Variants in DEPDC5 observed in about 807,000 individuals in gnomAD.
The protein encoded by DEPDC5 is DEP domain containing 5, GATOR1 subcomplex subunit, also known as GATOR1 complex protein DEPDC5.
In DEPDC5, 73 loss-of-function variants were observed where a neutral mutation model predicts 217.3. That is an observed-to-expected ratio of 0.34 (90% CI 0.28 to 0.41). The LOEUF (loss-of-function observed/expected upper bound fraction) is 0.41, where lower values mean the gene tolerates loss of function less well. Among genes scored for constraint, DEPDC5 ranks in the 10% least tolerant of loss-of-function variants. DEPDC5 has a pLI of 1.00. For missense variants in DEPDC5, 1,675 were observed against 2,070.1 expected (o/e 0.81, Z 3.70); for synonymous variants, 733 against 756.7 (o/e 0.97, Z 0.51).
At chr22:31,873,214 C>G in intron 34 of DEPDC5, 41 bp from the exon 35 acceptor site, 1 of 1,613,538 alleles carries the variant, frequency 6.2e-7, no homozygotes, top group South Asian at 1.1e-5. Context: ...TGACTGCATA[C>G]GTGCCATCTT....
At chr22:31,879,496 A>T in intron 37 of DEPDC5, 29 bp from the exon 38 acceptor site, 1 of 1,591,490 alleles carries the variant, frequency 6.3e-7, no homozygotes, top group Non-Finnish European at 8.6e-7. Flanking sequence ...TGTGTTGAGT[A>T]CTCCTTCTCT....
chr22:31,812,149 C>T (rs766230179), intron 20 of DEPDC5, among the ~76,000 whole-genome samples: 1 of 151,530 alleles, frequency 6.6e-6, no homozygotes, highest in African/African-American at 2.4e-5. Context: ...CCACCACACT[C>T]GGCTAATTTT....
chr22:31,776,846 A>G (rs1057377538), intron 7 of DEPDC5, among the ~76,000 whole-genome samples: 4 of 151,932 alleles, frequency 2.6e-5, no homozygotes, highest in Non-Finnish European at 5.9e-5. Flanking sequence ...AAGTGCTGGG[A>G]TTACAGGCAT....
intron 24 of DEPDC5, among the ~76,000 whole-genome samples, chr22:31,825,669 G>C (rs896713399): frequency 6.6e-6 from 1 of 152,140 alleles, no homozygotes; most frequent in Admixed American, 6.5e-5. Context: ...TATTGCAGTA[G>C]CCTTCAAAAT....
chr22:31,802,519 TC>T (rs1249859576), intron 14 of DEPDC5, among the ~76,000 whole-genome samples, 184 bp from the exon 15 acceptor site: 3 of 152,080 alleles, frequency 2.0e-5, no homozygotes, highest in Non-Finnish European at 4.4e-5. Context: ...AGCGACTTAT[TC>T]CTGTGGTCAA....
At position 31,804,926 on chromosome 22, in the gene DEPDC5, T is replaced by A; in HGVS notation, c.1217+11T>A. 6.2e-7 allele frequency: 1 copy of A among 1,611,276 alleles called. No individual in the cohort carries two copies. The highest frequency in any genetic ancestry group is 8.5e-7 in the Non-Finnish European group (1 of 1,178,252). On this transcript the variant is annotated intron_variant, in intron 17 of 42. Coordinates refer to ENST00000651528, the MANE Select transcript of DEPDC5 (RefSeq NM_001242896.3). ...CTGGATAAACCACAGGTGGGTGCGA[T>A]CTCGATCAATAGTAGGTGATAAGCG...
At chr22:31,770,791 C>CTTTTTT (rs1156973076) in intron 7 of DEPDC5, among the ~76,000 whole-genome samples, 2 of 120,102 alleles carry the variant, frequency 1.7e-5, no homozygotes, top group Non-Finnish European at 1.7e-5. Context: ...ATCTACTTTT[C>CTTTTTT]TTTTTTTTTT....
chr22:31,800,605 A>G (rs534011615), intron 14 of DEPDC5, among the ~76,000 whole-genome samples: 23 of 152,286 alleles, frequency 1.5e-4, no homozygotes, highest in African/African-American at 5.3e-4. Context: ...AACTGCTTCT[A>G]GGTAATATTT....
intron 9 of DEPDC5, 124 bp downstream of exon 9, chr22:31,784,109 G>T: frequency 1.3e-6 from 1 of 742,738 alleles, no homozygotes; most frequent in South Asian, 2.2e-5. Flanking sequence ...ATCATTGTGA[G>T]AATAATCATA....
intron 24 of DEPDC5, among the ~76,000 whole-genome samples, chr22:31,831,391 C>T (rs920264041): frequency 6.6e-6 from 1 of 152,162 alleles, no homozygotes; most frequent in Non-Finnish European, 1.5e-5. Context: ...AAAATCTGCT[C>T]CAAGCAGTTC....
chr22:31,797,474 G>A (rs746851171), intron 12 of DEPDC5, 126 bp from the exon 13 acceptor site: 26 of 706,380 alleles, frequency 3.7e-5, no homozygotes, highest in Non-Finnish European at 5.2e-5. Flanking sequence ...CCATGATCCA[G>A]TCACCTCCCA....
At chr22:31,885,289 C>G (rs989943933) in intron 38 of DEPDC5, among the ~76,000 whole-genome samples, 25 of 152,320 alleles carry the variant, frequency 1.6e-4, no homozygotes, top group Middle Eastern at 3.4e-3. Flanking sequence ...TCTGCTGCAC[C>G]ACGCTGGCTT....
Position 31,797,580 on chromosome 22 carries a change from TATG to T in DEPDC5, c.768-17_768-15del, listed in dbSNP as rs2086391348. 1 of 1,597,582 alleles carries T rather than the reference TATG, an allele frequency of 6.3e-7. No individual in the cohort carries two copies. Among genetic ancestry groups the T allele is most frequent in the Admixed American group, 1.7e-5 (1 of 59,974 alleles). ...CATATCAGCTGCTCAATATCCATTT[TATG>T]ATAATACTCTTTTCAGAGTGGTGGT... On this transcript the variant is annotated splice_polypyrimidine_tract_variant and intron_variant, in intron 12 of 42. Transcript: ENST00000651528.
At chr22:31,873,063 G>A in intron 34 of DEPDC5, 192 bp from the exon 35 acceptor site, 2 of 1,145,508 alleles carry the variant, frequency 1.7e-6, no homozygotes, top group Non-Finnish European at 2.4e-6. Flanking sequence ...CCCTAAATGT[G>A]TATATTTTAA....
Position 31,800,310 on chromosome 22 carries a change from A to T in DEPDC5, c.946+1654A>T, listed in dbSNP as rs371313049. On this transcript the variant is annotated intron_variant, in intron 14 of 42. Coordinates refer to ENST00000651528, the MANE Select transcript of DEPDC5 (RefSeq NM_001242896.3). ...TCATTTTACCCAGCCCCTATTCAAGATGGAGTTGCTCTGGTTCAAAGGCCT... is the reference window on the plus strand; with the variant it reads ...TCATTTTACCCAGCCCCTATTCAAGTTGGAGTTGCTCTGGTTCAAAGGCCT... 1.2e-4 allele frequency among the ~76,000 whole-genome samples: 19 copies of T among 152,148 alleles called. 1 individual carries two copies. In the East Asian group the frequency reaches 2.1e-3, roughly 17 times the overall value.
chr22:31,843,941 G>A, intron 29 of DEPDC5, 129 bp downstream of exon 29: 2 of 1,096,580 alleles, frequency 1.8e-6, no homozygotes, highest in South Asian at 2.3e-5. Flanking sequence ...AAGAGACAGG[G>A]TTGACTGGGC....
At chr22:31,800,701 G>T (rs969570531) in intron 14 of DEPDC5, among the ~76,000 whole-genome samples, 1 of 152,096 alleles carries the variant, frequency 6.6e-6, no homozygotes, top group East Asian at 1.9e-4. Context: ...AAATAGCCAG[G>T]TATGGTGGCT....
chr22:31,837,447 TACAA>T lies in DEPDC5; in HGVS notation c.2354+296_2354+299del, dbSNP rs531563443. The T allele has an allele frequency of 1.0e-3, 433 of 429,200 alleles. 2 individuals carry two copies. Among genetic ancestry groups the T allele is most frequent in the African/African-American group, 7.4e-3 (359 of 48,828 alleles). The allele number at this position is 429,200 out of a possible 1,614,324, so 26.6% of individuals were successfully genotyped here. Reference sequence around the variant, plus strand: ...CTCACTGCAGCCTCTACCTCCTGAGTACAAACAGTCTTTCCACCTCAGCCTCCTA... The same window carrying T: ...CTCACTGCAGCCTCTACCTCCTGAGTACAGTCTTTCCACCTCAGCCTCCTA... On this transcript the variant is annotated intron_variant, in intron 26 of 42. Transcript: ENST00000651528.
chr22:31,820,446 C>T (rs1321440253), intron 22 of DEPDC5, among the ~76,000 whole-genome samples: 1 of 152,106 alleles, frequency 6.6e-6, no homozygotes, highest in Non-Finnish European at 1.5e-5. Context: ...GGAAACCATC[C>T]TGCTGAATAC....
Sources: gnomAD v4.1 joint callset for allele counts (sites outside exome capture counted in the v4.1 genomes callset) on GRCh38, gnomAD v4.1.1 for gene constraint, MANE v1.5 for transcripts, NCBI Gene and HGNC (gene_info 2026-07-23, HGNC 2026-07-21) for gene names.